The following SPTBN4 variants were observed in gnomAD, a reference collection of about 807,000 sequenced individuals.
SPTBN4 encodes spectrin beta, non-erythrocytic 4.
SPTBN4 carries 96 observed loss-of-function variants against 277.8 expected under a neutral mutation model. The observed-to-expected ratio is 0.35, with a 90% CI of 0.29 to 0.41. The LOEUF (loss-of-function observed/expected upper bound fraction) is 0.41. Among genes scored for constraint, SPTBN4 ranks in the 10% least tolerant of loss-of-function variants. SPTBN4 has a pLI of 1.00. For synonymous variants in SPTBN4, 1,481 were observed against 1,580.3 expected (o/e 0.94, Z 1.49); for missense variants, 3,006 against 3,595.7 (o/e 0.84, Z 4.19).
intron 22 of SPTBN4, among the ~76,000 whole-genome samples, chr19:40,553,577 TTAAA>T (rs1349983196): frequency 6.6e-6 from 1 of 151,938 alleles, no homozygotes; most frequent in Non-Finnish European, 1.5e-5. Flanking sequence ...TCACAAAAAG[TTAAA>T]TAAGGTACTC....
intron 7 of SPTBN4, 57 bp downstream of exon 7, chr19:40,497,661 G>A (rs942958430): frequency 7.2e-7 from 1 of 1,394,162 alleles, no homozygotes; most frequent in South Asian, 1.2e-5. Flanking sequence ...CAACCCCAAT[G>A]CCATGTCACA....
At position 40,550,281 on chromosome 19, in the gene SPTBN4, G is replaced by C. The variant is rs779832728; in HGVS notation, c.4628G>C (p.Arg1543Pro). ...ERLPLAMQTE[R>P]GNGLQAVQQH... ...CTGCCACTGGCCATGCAGACAGAGCGAGGCAACGGTTTGCAGGCGGTCCAG... is the reference window on the plus strand; with the variant it reads ...CTGCCACTGGCCATGCAGACAGAGCCAGGCAACGGTTTGCAGGCGGTCCAG... Residue 1543 changes from arginine (R) to proline (P), a missense_variant, in exon 22 of 36, where the codon CGA (arginine) becomes CCA (proline). Physicochemically the swap from Arg to Pro is moderately radical, Grantham distance 103 (BLOSUM62 -2). Around this residue, in one of 5 missense-constraint regions of SPTBN4, gnomAD observed 1,759 missense variants for 2,061.5 expected, o/e 0.85. Transcript: ENST00000598249. 6.2e-7 allele frequency: 1 copy of C among 1,612,876 alleles called. No homozygotes were observed. The highest frequency in any genetic ancestry group is 8.5e-7 in the Non-Finnish European group (1 of 1,180,000).
At chr19:40,479,850 C>T (rs918281089) in intron 2 of SPTBN4, among the ~76,000 whole-genome samples, 7 of 151,034 alleles carry the variant, frequency 4.6e-5, no homozygotes, top group African/African-American at 7.3e-5. Context: ...GCCTGTAATC[C>T]GAGTGCGTTG....
chr19:40,492,591 A>C (rs537169886), intron 4 of SPTBN4, among the ~76,000 whole-genome samples: 1 of 152,222 alleles, frequency 6.6e-6, no homozygotes, highest in South Asian at 2.1e-4. Flanking sequence ...ATCTGATTTG[A>C]GTGTTCGCAG....
In SPTBN4 at chr19:40,529,111, T is replaced by G. The variant is rs200696933; in HGVS notation, c.3928T>G (p.Phe1310Val). ...ACATGACCAACTTGAGCTGCAGCAC[T>G]TCCTCCGAGACTGCCACGAGGTAGG... ...KLHDQLELQHFLRDCHELDGW... is the reference protein window; with the variant it reads ...KLHDQLELQHVLRDCHELDGW... Residue 1310 changes from phenylalanine to valine, a missense_variant, in exon 18 of 36, where the codon TTC becomes GTC. By Grantham distance (50) the Phe-to-Val change is conservative. Around this residue, in one of 5 missense-constraint regions of SPTBN4, gnomAD observed 1,759 missense variants for 2,061.5 expected, o/e 0.85. Transcript: ENST00000598249. 6.2e-7 allele frequency: 1 copy of G among 1,613,928 alleles called. No individual in the cohort carries two copies. The highest frequency in any genetic ancestry group is 2.2e-5 in the East Asian group (1 of 44,878).
In SPTBN4 at chr19:40,519,751, C is replaced by T. The variant is rs1330762701; in HGVS notation, c.3254C>T (p.Ala1085Val). 1 of 1,402,684 alleles carries T rather than the reference C, an allele frequency of 7.1e-7. No individual in the cohort carries two copies. The highest frequency in any genetic ancestry group is 9.2e-7 in the Non-Finnish European group (1 of 1,090,682). 86.9% of individuals were successfully genotyped at this position (1,402,684 alleles called of 1,614,324 possible). A position where few individuals can be genotyped will look rare whatever the true frequency, so the allele number is the denominator to read the frequency against. The stretch of plus-strand genomic sequence containing the variant: ...GCTCAGGCCTGCGGCGAGGCGGTGG[C>T]GGCAGCAGGGCGCCTGCAGCGCTTC... ...SAAQACGEAV[A>V]AAGRLQRFLH... Residue 1085 changes from alanine to valine, a missense_variant, in exon 16 of 36, where the codon GCG (alanine) becomes GTG (valine). Physicochemically the swap from Ala to Val is moderately conservative, Grantham distance 64. This residue lies in a region of SPTBN4 where 1,759 missense variants were observed against 2,061.5 expected (regional missense o/e 0.85). Transcript: ENST00000598249. This position sits in a 1 kb window ranked among gnomAD's most constrained non-coding sequence, Gnocchi z 5.7.
chr19:40,519,802 A>G lies in SPTBN4; in HGVS notation c.3305A>G (p.Asp1102Gly). 7.0e-7 allele frequency: 1 copy of G among 1,438,352 alleles called. No individual in the cohort carries two copies. Among genetic ancestry groups the G allele is most frequent in the South Asian group, 1.5e-5 (1 of 68,354 alleles). 89.1% of individuals were successfully genotyped at this position (1,438,352 alleles called of 1,614,324 possible). ...RFLHDLDAFL[D>G]WLVRAQEAAG... is the part of the protein sequence containing the mutation. ...CTACATGACCTCGACGCTTTCCTGG[A>G]CTGGCTCGTGCGCGCCCAGGAGGCG... The change falls in exon 16 of 36, where the codon GAC becomes GGC. Residue 1102 changes from aspartate (D) to glycine (G), a missense_variant. This residue lies in a region of SPTBN4 where 1,759 missense variants were observed against 2,061.5 expected (regional missense o/e 0.85). Transcript: ENST00000598249. This position sits in a 1 kb window ranked among gnomAD's most constrained non-coding sequence, Gnocchi z 5.7.
intron 17 of SPTBN4, among the ~76,000 whole-genome samples, chr19:40,526,066 T>G (rs1383462767): frequency 6.6e-6 from 1 of 152,090 alleles, no homozygotes; most frequent in Non-Finnish European, 1.5e-5. Flanking sequence ...CTGGGGGTCT[T>G]AGACCTGGCT....
At chr19:40,564,618 G>T (rs2145948851) in intron 27 of SPTBN4, among the ~76,000 whole-genome samples, 1 of 152,168 alleles carries the variant, frequency 6.6e-6, no homozygotes, top group Middle Eastern at 3.4e-3. Flanking sequence ...CAGGTGGATT[G>T]CTTGAGCCCA....
In SPTBN4 at chr19:40,502,369, C is replaced by T; in HGVS notation, c.1086-21C>T. 6.2e-7 allele frequency: 1 copy of T among 1,610,194 alleles called. No homozygotes were observed. The highest frequency in any genetic ancestry group is 1.7e-4 in the Middle Eastern group (1 of 6,030). Reference sequence around the variant, plus strand: ...GCAGGGGTGGCATGACGGCAGGGCTCCTGAGCTCATGCCCCTTCAGGTTCC... The same window carrying T: ...GCAGGGGTGGCATGACGGCAGGGCTTCTGAGCTCATGCCCCTTCAGGTTCC... On this transcript the variant is annotated intron_variant, in intron 9 of 35. Transcript: ENST00000598249. This position sits in a 1 kb window ranked among gnomAD's most constrained non-coding sequence, Gnocchi z 4.9.
chr19:40,570,871 G>GC lies in SPTBN4; in HGVS notation c.7319+143_7319+144insC, dbSNP rs2081149813. On this transcript the variant is annotated intron_variant, in intron 33 of 35. Transcript: ENST00000598249. ...TAGTAGGTGGGGCCAGAGCTGGGGG[G>GC]TGGTGGTGGCTTAAATCAAGAAAGC... 3.3e-6 allele frequency: 3 copies of GC among 907,648 alleles called. No individual in the cohort carries two copies. The African/African-American group carries it at 5.4e-5, about 16-fold the overall frequency. 56.2% of individuals were successfully genotyped at this position (907,648 alleles called of 1,614,324 possible). A position where few individuals can be genotyped will look rare whatever the true frequency, so the allele number is the denominator to read the frequency against.
chr19:40,478,844 T>C (rs570946057), intron 2 of SPTBN4, among the ~76,000 whole-genome samples: 1 of 152,238 alleles, frequency 6.6e-6, no homozygotes, highest in South Asian at 2.1e-4. Context: ...ACGCCCGGCC[T>C]GTATGACTTT....
chr19:40,554,636 C>T lies in SPTBN4; in HGVS notation c.5074C>T (p.His1692Tyr), dbSNP rs760404703. The change falls in exon 24 of 36, where the codon CAC becomes TAC. Residue 1692 changes from histidine (H) to tyrosine (Y), a missense_variant. His to Tyr is a moderately conservative substitution (Grantham distance 83). Transcript: ENST00000598249. The surrounding 1 kb of genome is among the most constrained non-coding windows in gnomAD (Gnocchi z 5.7). ...GTGCCGGGCGCTGCTGGAGATGGGG[C>T]ACCCGGACAGGTGGGCGGGCGCGTG... The part of the protein sequence containing the change: ...RQCRALLEMG[H>Y]PDSEQISRRQ... The T allele has an allele frequency of 3.1e-6, 5 of 1,587,824 alleles. No individual in the cohort carries two copies. Among genetic ancestry groups the T allele is most frequent in the Non-Finnish European group, 4.3e-6 (5 of 1,166,654 alleles).
Position 40,513,549 on chromosome 19 carries a change from G to A in SPTBN4, c.2760G>A (p.Gln920=). 6.4e-7 allele frequency: 1 copy of A among 1,567,946 alleles called. No individual in the cohort carries two copies. Residue 920 remains glutamine (Q), a synonymous_variant, in exon 14 of 36, where the codon CAG becomes CAA. Transcript: ENST00000598249. ...PDSLDDVEVV[Q]HRFESLDQEM... is the part of the protein sequence containing the mutation. ...CACTCGACGACGTCGAGGTGGTGCA[G>A]CACCGGTGAGCGCGCACATGTGGGA... is the stretch of plus-strand genomic sequence containing the variant.
At chr19:40,572,307 G>C in intron 34 of SPTBN4, 31 bp from the exon 35 acceptor site, 1 of 1,613,434 alleles carries the variant, frequency 6.2e-7, no homozygotes, top group Non-Finnish European at 8.5e-7. Context: ...CCCTTCCCCA[G>C]ATCTCTGAAG....
Position 40,560,286 on chromosome 19 carries a change from A to G in SPTBN4, c.5798A>G (p.Asp1933Gly). ...AAAGAGCTGCTGTCAGCCTGTGAGG[A>G]TGCCCGCCTGCATGTCAGCTCCACA... ...GWKELLSACE[D>G]ARLHVSSTAD... Residue 1933 changes from aspartate to glycine, a missense_variant, in exon 27 of 36, where the codon GAT becomes GGT. Transcript: ENST00000598249. The surrounding 1 kb of genome is among the most constrained non-coding windows in gnomAD (Gnocchi z 5.2). 1 of 1,614,040 alleles carries G rather than the reference A, an allele frequency of 6.2e-7. No homozygotes were observed. Among genetic ancestry groups the G allele is most frequent in the Non-Finnish European group, 8.5e-7 (1 of 1,179,992 alleles).
intron 20 of SPTBN4, among the ~76,000 whole-genome samples, chr19:40,543,710 T>C (rs1402306060): frequency 2.6e-5 from 4 of 151,982 alleles, no homozygotes. Context: ...TGGGAAAAAA[T>C]TTTACTAACC....
At position 40,502,592 on chromosome 19, in the gene SPTBN4, G is replaced by A; in HGVS notation, c.1203+85G>A. 3 of 1,443,054 alleles carry A rather than the reference G, an allele frequency of 2.1e-6. No homozygotes were observed. The highest frequency in any genetic ancestry group is 2.0e-5 in the Admixed American group (1 of 49,628). The allele number at this position is 1,443,054 out of a possible 1,614,324, so 89.4% of individuals were successfully genotyped here. ...ACTGCTCAAGGGAATCATTCACATT[G>A]TAGACATGATGGATTAGATATTCAT... is the stretch of plus-strand genomic sequence containing the variant. On this transcript the variant is annotated intron_variant, in intron 10 of 35. Transcript: ENST00000598249. This position sits in a 1 kb window ranked among gnomAD's most constrained non-coding sequence, Gnocchi z 4.9.
At chr19:40,525,455 T>A (rs991227321) in intron 17 of SPTBN4, among the ~76,000 whole-genome samples, 37 of 151,916 alleles carry the variant, frequency 2.4e-4, no homozygotes, top group African/African-American at 9.0e-4. Flanking sequence ...CCTGAGTAGC[T>A]GGACTATAGG....
Sources: gnomAD v4.1 joint callset for allele counts (sites outside exome capture counted in the v4.1 genomes callset) on GRCh38, gnomAD v4.1.1 for gene constraint, gnomAD v4.1.1 regional missense constraint, Gnocchi (gnomAD v3.1) non-coding constraint, MANE v1.5 for transcripts, NCBI Gene and HGNC (gene_info 2026-07-23, HGNC 2026-07-21) for gene names.